Variants in ABCB7 observed in about 807,000 individuals in gnomAD.
ABCB7 encodes iron-sulfur clusters transporter ABCB7, mitochondrial.
A neutral mutation model predicts 54.4 loss-of-function variants in ABCB7; 7 were observed. The observed-to-expected ratio is 0.13, with a 90% CI of 0.07 to 0.24. The LOEUF (loss-of-function observed/expected upper bound fraction) is 0.24. Ranked by LOEUF, ABCB7 falls within the 10% of genes least tolerant of loss-of-function variation. The pLI is 1.00. For missense variants in ABCB7, 356 were observed against 570.4 expected (o/e 0.62, Z 3.83); for synonymous variants, 218 against 207.1 (o/e 1.05, Z -0.45).
chrX:75,060,355 C>A (rs2081273165), intron 14 of ABCB7, 25 bp from the exon 15 acceptor site: 1 of 1,065,370 alleles, frequency 9.4e-7, no homozygotes. Flanking sequence ...ATATGAAGAA[C>A]AGGAGAAAAT....
intron 13 of ABCB7, among the ~76,000 whole-genome samples, chrX:75,063,380 A>G (rs965545476): frequency 3.7e-4 from 41 of 110,584 alleles, no homozygotes; most frequent in East Asian, 8.5e-4. Flanking sequence ...TGAAAAACAT[A>G]TTTTTCAGCT....
rs1427967051 is a variant in ABCB7, at chrX:75,052,594, C to G, written c.*776G>C. ...AGGAGTTCAAGACCAGCCTGGCCAACATGGCAAAACCCTGTCTCTACTAAA... is the reference window on the plus strand; with the variant it reads ...AGGAGTTCAAGACCAGCCTGGCCAAGATGGCAAAACCCTGTCTCTACTAAA... On this transcript the variant is annotated 3_prime_UTR_variant, in exon 16 of 16. Coordinates refer to ENST00000373394, the MANE Select transcript of ABCB7 (RefSeq NM_001271696.3). 7 of 110,578 alleles carry G rather than the reference C, an allele frequency of 6.3e-5. No individual in the cohort carries two copies. Among genetic ancestry groups the G allele is most frequent in the Non-Finnish European group, 1.3e-4 (7 of 52,914 alleles). 9.1% of individuals were successfully genotyped at this position (110,578 alleles called of 1,213,427 possible). A position where few individuals can be genotyped will look rare whatever the true frequency, so the allele number is the denominator to read the frequency against.
intron 1 of ABCB7, among the ~76,000 whole-genome samples, chrX:75,135,683 T>C (rs990079466): frequency 1.8e-5 from 2 of 111,356 alleles, no homozygotes; most frequent in Non-Finnish European, 3.8e-5. Flanking sequence ...CATATAAAAA[T>C]CAATAAATGT....
At chrX:75,060,628 A>C (rs935640843) in intron 14 of ABCB7, among the ~76,000 whole-genome samples, 6 of 111,724 alleles carry the variant, frequency 5.4e-5, no homozygotes, top group Admixed American at 3.8e-4. Flanking sequence ...TACAAGTACA[A>C]ATAAACAACT....
chrX:75,129,382 T>C (rs1213157562), intron 1 of ABCB7, among the ~76,000 whole-genome samples: 1 of 109,913 alleles, frequency 9.1e-6, no homozygotes, highest in African/African-American at 3.3e-5. Flanking sequence ...CACCCTTAAG[T>C]GGGAGTTGAA....
At chrX:75,071,465 A>T in intron 9 of ABCB7, 44 bp downstream of exon 9, 2 of 1,183,403 alleles carry the variant, frequency 1.7e-6, no homozygotes, top group Non-Finnish European at 2.3e-6. Context: ...CTTTATTTAT[A>T]AAAGTTGAAC....
intron 3 of ABCB7, among the ~76,000 whole-genome samples, chrX:75,109,771 A>C (rs935597379): frequency 3.6e-5 from 4 of 111,959 alleles, no homozygotes; most frequent in Non-Finnish European, 5.6e-5. Context: ...GAAAATTTGG[A>C]AGTGTCCATA....
intron 1 of ABCB7, among the ~76,000 whole-genome samples, chrX:75,121,134 C>T (rs1268315207): frequency 1.8e-5 from 2 of 109,135 alleles, no homozygotes; most frequent in Non-Finnish European, 3.8e-5. Flanking sequence ...AATAAAAATA[C>T]AAAAATTAGC....
In ABCB7 at chrX:75,051,622, CTTGA is replaced by C. The variant is rs1434865891; in HGVS notation, c.*1744_*1747del. The C allele has an allele frequency of 2.7e-5, 3 of 111,955 alleles. No individual in the cohort carries two copies. The highest frequency in any genetic ancestry group is 9.7e-5 in the African/African-American group (3 of 30,873). The allele number at this position is 111,955 out of a possible 1,213,427, so 9.2% of individuals were successfully genotyped here. ...AACTTTTTTTCCTCCCAAGGTAAAA[CTTGA>C]TTATGTTGTTTGGGCTCCTCCTCGT... is the stretch of plus-strand genomic sequence containing the variant. On this transcript the variant is annotated 3_prime_UTR_variant, in exon 16 of 16. Transcript: ENST00000373394.
chrX:75,087,158 A>AT (rs932332331), intron 4 of ABCB7, among the ~76,000 whole-genome samples: 14 of 111,674 alleles, frequency 1.3e-4, no homozygotes, highest in Non-Finnish European at 1.9e-4. Flanking sequence ...TGGAGCAACC[A>AT]TTTTCCTGTA....
At chrX:75,121,445 C>T (rs1385261783) in intron 1 of ABCB7, among the ~76,000 whole-genome samples, 1 of 111,480 alleles carries the variant, frequency 9.0e-6, no homozygotes, top group Non-Finnish European at 1.9e-5. Flanking sequence ...GTTTCAAGAA[C>T]TATGGTATAC....
chrX:75,071,382 A>T (rs1246501016), intron 9 of ABCB7, 127 bp downstream of exon 9: 3 of 755,616 alleles, frequency 4.0e-6, no homozygotes, highest in Non-Finnish European at 6.1e-6. Flanking sequence ...TACAGAGAAA[A>T]GTACTCCAAG....
At chrX:75,143,964 A>G (rs1431868487) in intron 1 of ABCB7, among the ~76,000 whole-genome samples, 4 of 111,164 alleles carry the variant, frequency 3.6e-5, no homozygotes, top group African/African-American at 9.8e-5. Flanking sequence ...GTCTAAAAAC[A>G]CTGAGACTGA....
In ABCB7 at chrX:75,137,970, T is replaced by A. The variant is rs138253730; in HGVS notation, c.168+18135A>T. Among the ~76,000 whole-genome samples the A allele has an allele frequency of 9.8e-3, 1,089 of 111,175 alleles. 16 individuals carry two copies. The highest frequency in any genetic ancestry group is 0.032 in the African/African-American group (987 of 30,540). On this transcript the variant is annotated intron_variant, in intron 1 of 15. Coordinates refer to ENST00000373394, the MANE Select transcript of ABCB7 (RefSeq NM_001271696.3). Reference sequence around the variant, plus strand: ...AAATTATCTTTACACTAATCCCCTATGGCATGCAGTTTATCCATGTAACAA... The same window carrying A: ...AAATTATCTTTACACTAATCCCCTAAGGCATGCAGTTTATCCATGTAACAA...
At chrX:75,134,505 A>G (rs1486728123) in intron 1 of ABCB7, among the ~76,000 whole-genome samples, 2 of 112,018 alleles carry the variant, frequency 1.8e-5, no homozygotes, top group Non-Finnish European at 3.8e-5. Flanking sequence ...CACTCCATGC[A>G]AGAACAATAG....
At chrX:75,112,432 T>C (rs1462341791) in intron 3 of ABCB7, among the ~76,000 whole-genome samples, 1 of 111,653 alleles carries the variant, frequency 9.0e-6, no homozygotes, top group Non-Finnish European at 1.9e-5. Context: ...ATGATAATAA[T>C]AACGATAAAG....
intron 4 of ABCB7, among the ~76,000 whole-genome samples, chrX:75,094,054 C>CTA (rs57297288): frequency 5.6e-5 from 1 of 17,774 alleles, no homozygotes; most frequent in African/African-American, 1.0e-4. Flanking sequence ...ATATATATAT[C>CTA]TATCTTATTA....
chrX:75,074,024 C>A, intron 6 of ABCB7, 68 bp from the exon 7 acceptor site: 7 of 900,581 alleles, frequency 7.8e-6, no homozygotes, highest in Non-Finnish European at 1.1e-5. Context: ...TTGTAATACA[C>A]AACAGCAAAT....
chrX:75,094,390 T>A (rs950677127), intron 4 of ABCB7, among the ~76,000 whole-genome samples: 1 of 111,624 alleles, frequency 9.0e-6, no homozygotes, highest in Non-Finnish European at 1.9e-5. Context: ...AATCCTGGCA[T>A]GGTTGTATGT....
Sources: allele counts gnomAD v4.1 joint callset (sites outside exome capture counted in the v4.1 genomes callset), GRCh38; gene constraint gnomAD v4.1.1; transcripts MANE v1.5; gene names NCBI Gene and HGNC (gene_info 2026-07-23, HGNC 2026-07-21).